Variants in AATF observed in about 807,000 individuals in gnomAD.
AATF encodes protein AATF.
Under a neutral mutation model 63.7 loss-of-function variants are expected in AATF, and 48 were observed. The ratio of observed to expected loss-of-function variants is 0.75; its 90% CI spans 0.60 to 0.96. The LOEUF (loss-of-function observed/expected upper bound fraction) is 0.96. Among genes scored for constraint, AATF ranks in the 40% least tolerant of loss-of-function variants. AATF has a pLI of 0.00. For synonymous variants in AATF, 258 were observed against 247.7 expected (o/e 1.04, Z -0.39); for missense variants, 639 against 685.7 (o/e 0.93, Z 0.76).
chr17:37,011,619 G>A lies in AATF; in HGVS notation c.1399-7386G>A, dbSNP rs528111213. 5.9e-5 allele frequency among the ~76,000 whole-genome samples: 9 copies of A among 152,312 alleles called. No homozygotes were observed. The East Asian group carries it at 1.7e-3, about 29-fold the overall frequency. ...AAAATAAAGATTGGAACTGAGTCGT[G>A]AGGAGTGGCAGTATTTAATGGCTGG... On this transcript the variant is annotated intron_variant, in intron 8 of 11. Transcript: ENST00000619387.
chr17:36,984,464 A>G (rs2071151355), intron 4 of AATF, among the ~76,000 whole-genome samples: 1 of 152,226 alleles, frequency 6.6e-6, no homozygotes, highest in African/African-American at 2.4e-5. Context: ...TGATGGAACA[A>G]CCACATGAAG....
chr17:37,010,304 CA>C (rs2071380546), intron 8 of AATF, among the ~76,000 whole-genome samples: 1 of 151,686 alleles, frequency 6.6e-6, no homozygotes, highest in Non-Finnish European at 1.5e-5. Flanking sequence ...AATACAAAAA[CA>C]AAATTAGCCG....
chr17:36,963,896 G>T (rs2070968701), intron 4 of AATF, among the ~76,000 whole-genome samples: 1 of 152,154 alleles, frequency 6.6e-6, no homozygotes, highest in South Asian at 2.1e-4. Flanking sequence ...GAATGGAGTG[G>T]CTGGGCACAG....
intron 8 of AATF, among the ~76,000 whole-genome samples, chr17:37,007,469 G>A (rs893409003): frequency 1.9e-4 from 28 of 147,322 alleles, no homozygotes; most frequent in African/African-American, 3.8e-4. Flanking sequence ...CTTCCAAAGC[G>A]TTGTGATTAC....
At chr17:37,034,304 C>T (rs1179004894) in intron 11 of AATF, among the ~76,000 whole-genome samples, 1 of 151,998 alleles carries the variant, frequency 6.6e-6, no homozygotes, top group African/African-American at 2.4e-5. Flanking sequence ...ATTTTTAGGG[C>T]CAGTAGGTAT....
intron 9 of AATF, among the ~76,000 whole-genome samples, chr17:37,020,039 CA>C (rs2071457574): frequency 6.6e-6 from 1 of 151,882 alleles, no homozygotes; most frequent in African/African-American, 2.4e-5. Flanking sequence ...TTGTATAAAT[CA>C]GGTAGGATGA....
At chr17:37,054,198 CGG>C (rs2071778505) in intron 11 of AATF, among the ~76,000 whole-genome samples, 1 of 135,900 alleles carries the variant, frequency 7.4e-6, no homozygotes, top group South Asian at 2.6e-4. Context: ...GCGTGTGGGG[CGG>C]GGATCTTCAT....
At chr17:37,025,475 T>C (rs2071504177) in intron 10 of AATF, among the ~76,000 whole-genome samples, 1 of 152,138 alleles carries the variant, frequency 6.6e-6, no homozygotes, top group African/African-American at 2.4e-5. Context: ...TAAAGAATGC[T>C]GAGGAACAGT....
At chr17:37,041,749 C>T (rs1212625787) in intron 11 of AATF, among the ~76,000 whole-genome samples, 1 of 152,228 alleles carries the variant, frequency 6.6e-6, no homozygotes, top group Admixed American at 6.5e-5. Context: ...AGGTGATCCA[C>T]CCACCTCAGC....
intron 11 of AATF, chr17:37,034,607 T>A (rs2071576341): frequency 1.3e-5 from 2 of 152,186 alleles, no homozygotes; most frequent in African/African-American, 4.8e-5. Flanking sequence ...TTTATAAGAA[T>A]GACCACAGGG....
intron 8 of AATF, among the ~76,000 whole-genome samples, chr17:37,018,554 C>G (rs1332777562): frequency 1.3e-5 from 2 of 152,226 alleles, no homozygotes; most frequent in Admixed American, 1.3e-4. Flanking sequence ...CTGAGGAAGA[C>G]CTTCCTGACT....
chr17:36,971,397 A>G (rs1308222535), intron 4 of AATF, among the ~76,000 whole-genome samples: 2 of 152,238 alleles, frequency 1.3e-5, no homozygotes, highest in Non-Finnish European at 2.9e-5. Context: ...TAGGCCAAAC[A>G]CAAATACACA....
At chr17:36,982,441 C>A (rs567073765) in intron 4 of AATF, among the ~76,000 whole-genome samples, 1 of 152,086 alleles carries the variant, frequency 6.6e-6, no homozygotes, top group African/African-American at 2.4e-5. Flanking sequence ...GCAACCTCCC[C>A]GTCCCGGGTT....
chr17:36,973,137 T>G (rs1404100525), intron 4 of AATF, among the ~76,000 whole-genome samples: 1 of 152,238 alleles, frequency 6.6e-6, no homozygotes, highest in Non-Finnish European at 1.5e-5. Context: ...CTTTTTTCCT[T>G]TCTTTTTGCT....
intron 11 of AATF, among the ~76,000 whole-genome samples, chr17:37,053,882 G>A (rs773488165): frequency 2.6e-4 from 40 of 152,138 alleles, no homozygotes; most frequent in Non-Finnish European, 5.1e-4. Flanking sequence ...AATAGTTTAT[G>A]TGTTACTTGA....
intron 8 of AATF, among the ~76,000 whole-genome samples, chr17:37,013,208 C>T (rs2071404932): frequency 6.6e-6 from 1 of 152,110 alleles, no homozygotes; most frequent in African/African-American, 2.4e-5. Flanking sequence ...GGCCAGTAAG[C>T]ACAGGAAGAT....
intron 4 of AATF, among the ~76,000 whole-genome samples, chr17:36,958,200 T>G (rs1182329040): frequency 7.9e-5 from 12 of 152,088 alleles, no homozygotes; most frequent in African/African-American, 2.9e-4. Flanking sequence ...TCTCTCTCTG[T>G]CACCCAGGCT....
In AATF at chr17:36,950,323, G is replaced by C. The variant is rs770908683; in HGVS notation, c.201G>C (p.Thr67=). ...RKLASASLLD[T]DKRYCGKTTS... The stretch of plus-strand genomic sequence containing the variant: ...TGGCATCAGCCTCCCTCTTGGACAC[G>C]GACAAAAGGTATTGCGGCAAAACCA... Residue 67 remains threonine (T), a synonymous_variant, in exon 2 of 12, where the codon ACG becomes ACC. Coordinates refer to ENST00000619387, the MANE Select transcript of AATF (RefSeq NM_012138.4). The C allele has an allele frequency of 6.2e-7, 1 of 1,613,998 alleles. No homozygotes were observed. The highest frequency in any genetic ancestry group is 1.1e-5 in the South Asian group (1 of 91,078).
At chr17:37,017,235 C>T (rs1478061588) in intron 8 of AATF, among the ~76,000 whole-genome samples, 1 of 152,188 alleles carries the variant, frequency 6.6e-6, no homozygotes, top group Non-Finnish European at 1.5e-5. Flanking sequence ...TTGTTGTAAT[C>T]TTTTGTATGG....
Sources: allele counts gnomAD v4.1 joint callset (sites outside exome capture counted in the v4.1 genomes callset), GRCh38; gene constraint gnomAD v4.1.1; transcripts MANE v1.5; gene names NCBI Gene and HGNC (gene_info 2026-07-23, HGNC 2026-07-21).